Variants in STAC observed in about 807,000 individuals in gnomAD.
The protein encoded by STAC is SH3 and cysteine rich domain.
STAC carries 43 observed loss-of-function variants against 48.8 expected under a neutral mutation model. The ratio of observed to expected loss-of-function variants is 0.88; its 90% CI spans 0.69 to 1.14. The LOEUF is 1.14. Ranked by LOEUF, STAC falls within the 50% of genes most tolerant of loss-of-function variation. STAC has a pLI of 0.00. For synonymous variants in STAC, 193 were observed against 179.5 expected, an observed-to-expected ratio of 1.07 and a Z score of -0.60; for missense variants, 497 against 504.0, an observed-to-expected ratio of 0.99 and a Z score of 0.13.
At chr3:36,543,989 T>A (rs889634539) in intron 10 of STAC, among the ~76,000 whole-genome samples, 1 of 152,214 alleles carries the variant, frequency 6.6e-6, no homozygotes, top group African/African-American at 2.4e-5. Context: ...GGCGGGTGTT[T>A]ATATTTTTAT....
chr3:36,464,681 A>G (rs574343307), intron 2 of STAC, among the ~76,000 whole-genome samples: 63 of 152,238 alleles, frequency 4.1e-4, no homozygotes, highest in Non-Finnish European at 6.9e-4. Context: ...TAGTGAGATC[A>G]TATGATGTTT....
At chr3:36,381,469 T>C (rs1699508502) in intron 1 of STAC, among the ~76,000 whole-genome samples, 1 of 152,260 alleles carries the variant, frequency 6.6e-6, no homozygotes, top group Non-Finnish European at 1.5e-5. Flanking sequence ...ATGTGGCTGC[T>C]AGCAGTGCAA....
chr3:36,418,995 C>T (rs1700385194), intron 1 of STAC, among the ~76,000 whole-genome samples: 1 of 147,116 alleles, frequency 6.8e-6, no homozygotes, highest in Non-Finnish European at 1.5e-5. Context: ...TGCAGTGAGC[C>T]GAGATCGCGC....
chr3:36,395,709 G>T (rs1272189521), intron 1 of STAC, among the ~76,000 whole-genome samples: 3 of 152,148 alleles, frequency 2.0e-5, no homozygotes, highest in African/African-American at 7.2e-5. Flanking sequence ...AAGTCATCAA[G>T]AATTAAAAGT....
At chr3:36,398,077 A>C (rs1699890076) in intron 1 of STAC, among the ~76,000 whole-genome samples, 1 of 152,114 alleles carries the variant, frequency 6.6e-6, no homozygotes, top group Admixed American at 6.5e-5. Flanking sequence ...AAGTTTGTCC[A>C]TAGCCTGGTT....
chr3:36,486,047 G>A lies in STAC; in HGVS notation c.572-87G>A, dbSNP rs114319156. 1.7e-3 allele frequency: 1,709 copies of A among 978,614 alleles called. 19 individuals are homozygous for A. In the African/African-American group the frequency reaches 0.025, roughly 14 times the overall value. 60.6% of individuals were successfully genotyped at this position (978,614 alleles called of 1,614,324 possible). On this transcript the variant is annotated intron_variant, in intron 4 of 10. Coordinates refer to ENST00000273183, the MANE Select transcript of STAC (RefSeq NM_003149.3). The stretch of plus-strand genomic sequence containing the variant: ...TCCTCTGCACAGAGCCTGCTTCTCA[G>A]GCGCTGTTCACCCAGGAGATGTGGT...
At chr3:36,510,982 T>A (rs1366590816) in intron 8 of STAC, among the ~76,000 whole-genome samples, 2 of 151,238 alleles carry the variant, frequency 1.3e-5, no homozygotes, top group East Asian at 3.9e-4. Context: ...TATATATATA[T>A]TTAATCTCCA....
rs1348085366 is a variant in STAC, at chr3:36,398,368, A to AGAG, written c.111+17614_111+17615insGAG. Among the ~76,000 whole-genome samples the AGAG allele has an allele frequency of 8.2e-4, 84 of 102,966 alleles. 1 individual carries two copies. Among genetic ancestry groups the AGAG allele is most frequent in the African/African-American group, 3.0e-3 (80 of 26,600 alleles). The allele number at this position is 102,966 out of a possible 152,430, so 67.5% of individuals were successfully genotyped here. On this transcript the variant is annotated intron_variant, in intron 1 of 10. Coordinates refer to ENST00000273183, the MANE Select transcript of STAC (RefSeq NM_003149.3). The stretch of plus-strand genomic sequence containing the variant: ...GAAAGAAAGAAAGAAAGAAAGAAAG[A>AGAG]AAAGAAAGAGAGAAAGAAAGAAAGA...
intron 1 of STAC, among the ~76,000 whole-genome samples, chr3:36,412,293 A>G (rs1700212996): frequency 6.6e-6 from 1 of 152,194 alleles, no homozygotes; most frequent in African/African-American, 2.4e-5. Context: ...GGGAGGGACA[A>G]TCATGTTCTC....
chr3:36,526,405 T>C (rs1348122656), intron 8 of STAC, among the ~76,000 whole-genome samples: 1 of 152,222 alleles, frequency 6.6e-6, no homozygotes, highest in African/African-American at 2.4e-5. Context: ...GTGTCAGTTC[T>C]GGATCTAAGC....
chr3:36,450,660 G>A (rs773138432), intron 2 of STAC, among the ~76,000 whole-genome samples: 1 of 152,148 alleles, frequency 6.6e-6, no homozygotes, highest in Non-Finnish European at 1.5e-5. Context: ...CGAGCAGCTG[G>A]GATTACAGGT....
intron 2 of STAC, among the ~76,000 whole-genome samples, chr3:36,478,333 T>C (rs1243955367): frequency 6.6e-6 from 1 of 152,222 alleles, no homozygotes; most frequent in Non-Finnish European, 1.5e-5. Context: ...GTATTGTACA[T>C]TTCTTACAAT....
At chr3:36,381,593 C>T (rs1699510640) in intron 1 of STAC, among the ~76,000 whole-genome samples, 1 of 152,124 alleles carries the variant, frequency 6.6e-6, no homozygotes, top group African/African-American at 2.4e-5. Flanking sequence ...TGTGCGATCC[C>T]CAGGCATTTG....
chr3:36,537,655 C>T (rs2125501691), intron 10 of STAC, among the ~76,000 whole-genome samples: 1 of 152,096 alleles, frequency 6.6e-6, no homozygotes, highest in East Asian at 1.9e-4. Context: ...CCATGGCACA[C>T]ATTTACCTAT....
At chr3:36,422,947 G>A (rs1700481249) in intron 1 of STAC, among the ~76,000 whole-genome samples, 1 of 152,082 alleles carries the variant, frequency 6.6e-6, no homozygotes, top group Non-Finnish European at 1.5e-5. Flanking sequence ...GAAACCAAAT[G>A]AATGTTCACT....
intron 1 of STAC, among the ~76,000 whole-genome samples, chr3:36,408,984 C>A (rs915933566): frequency 6.6e-5 from 10 of 151,930 alleles, no homozygotes; most frequent in African/African-American, 1.7e-4. Context: ...ATTGTGGTAC[C>A]CTTACTTCAC....
chr3:36,513,326 A>G (rs568663782), intron 8 of STAC, among the ~76,000 whole-genome samples: 1 of 152,126 alleles, frequency 6.6e-6, no homozygotes, highest in African/African-American at 2.4e-5. Context: ...AAAGATGTCA[A>G]CCTCTGCCCA....
At chr3:36,480,621 A>C (rs529572297) in intron 2 of STAC, among the ~76,000 whole-genome samples, 1 of 152,314 alleles carries the variant, frequency 6.6e-6, no homozygotes, top group African/African-American at 2.4e-5. Flanking sequence ...TGAAAGAGTG[A>C]AACTAGGCAG....
At chr3:36,535,222 C>T (rs78136769) in intron 10 of STAC, among the ~76,000 whole-genome samples, 17,051 of 152,180 alleles carry the variant, frequency 0.11, 1,152 homozygotes, top group Non-Finnish European at 0.15. Flanking sequence ...GTATTTTAGA[C>T]TCTTTGTAGC....
Sources: allele counts gnomAD v4.1 joint callset (sites outside exome capture counted in the v4.1 genomes callset), GRCh38; gene constraint gnomAD v4.1.1; transcripts MANE v1.5; gene names NCBI Gene and HGNC (gene_info 2026-07-23, HGNC 2026-07-21).